The following PTPRQ variants were observed in gnomAD, a reference collection of about 807,000 sequenced individuals.
PTPRQ encodes the protein protein tyrosine phosphatase receptor type Q.
PTPRQ carries 199 observed loss-of-function variants against 246.0 expected under a neutral mutation model. The observed-to-expected ratio is 0.81, with a 90% CI of 0.72 to 0.91. PTPRQ has a LOEUF of 0.91. PTPRQ is among the 40% of genes least tolerant of loss of function. The pLI, the probability that PTPRQ is intolerant of heterozygous loss-of-function variation, is 0.00. For synonymous variants in PTPRQ, 869 were observed against 853.2 expected (o/e 1.02, Z -0.32); for missense variants, 2,624 against 2,528.4 (o/e 1.04, Z -0.81).
chr12:80,486,985 A>C (rs1157791487), intron 9 of PTPRQ, among the ~76,000 whole-genome samples: 1 of 152,176 alleles, frequency 6.6e-6, no homozygotes, highest in African/African-American at 2.4e-5. Context: ...AAGTTCAAAA[A>C]GCTAACTCTC....
chr12:80,603,830 C>A (rs1010102456), intron 26 of PTPRQ, among the ~76,000 whole-genome samples: 16 of 151,600 alleles, frequency 1.1e-4, no homozygotes, highest in African/African-American at 3.9e-4. Flanking sequence ...CCATCTGTAT[C>A]ATCACTTTGC....
chr12:80,539,623 G>A (rs1360096632), intron 19 of PTPRQ, among the ~76,000 whole-genome samples, 153 bp from the exon 20 acceptor site: 1 of 151,622 alleles, frequency 6.6e-6, no homozygotes, highest in Admixed American at 6.6e-5. Context: ...CAGTTTAATT[G>A]TTGCAATAAA....
At chr12:80,511,502 C>A (rs1169031280) in intron 17 of PTPRQ, among the ~76,000 whole-genome samples, 1 of 152,098 alleles carries the variant, frequency 6.6e-6, no homozygotes, top group East Asian at 1.9e-4. Context: ...TCACATAAGA[C>A]CGTTGCCCTC....
rs1224592181 is a variant in PTPRQ, at chr12:80,444,330, G to A, written c.-16G>A. The A allele has an allele frequency of 7.3e-7, 1 of 1,365,146 alleles. No individual in the cohort carries two copies. Among genetic ancestry groups the A allele is most frequent in the East Asian group, 2.5e-5 (1 of 39,910 alleles). The allele number at this position is 1,365,146 out of a possible 1,614,324, so 84.6% of individuals were successfully genotyped here. ...AGCCATCAATGTGATTCTACTGGCT[G>A]AAAAATGTAATAAAGATGGATTTTC... On this transcript the variant is annotated 5_prime_UTR_variant, in exon 1 of 45. Coordinates refer to ENST00000644991, the MANE Select transcript of PTPRQ (RefSeq NM_001145026.2).
At chr12:80,594,467 A>G (rs35896483) in intron 26 of PTPRQ, among the ~76,000 whole-genome samples, 9,140 of 152,180 alleles carry the variant, frequency 0.06, 487 homozygotes, top group African/African-American at 0.14. Context: ...AAATCTTCTA[A>G]ATTAGTTACA....
intron 25 of PTPRQ, among the ~76,000 whole-genome samples, chr12:80,573,766 T>A (rs1318969029): frequency 1.3e-5 from 2 of 152,214 alleles, no homozygotes; most frequent in Non-Finnish European, 2.9e-5. Context: ...TAAGTGTTTA[T>A]GAAATTTATA....
At chr12:80,660,607 T>G (rs1303819078) in intron 39 of PTPRQ, among the ~76,000 whole-genome samples, 1 of 152,046 alleles carries the variant, frequency 6.6e-6, no homozygotes, top group African/African-American at 2.4e-5. Context: ...TCGTCAAAAT[T>G]ATCTCTCCTG....
chr12:80,495,894 T>C (rs1894602948), intron 12 of PTPRQ, 105 bp from the exon 13 acceptor site: 2 of 1,314,970 alleles, frequency 1.5e-6, no homozygotes, highest in Non-Finnish European at 2.1e-6. Flanking sequence ...GATATAGATA[T>C]CTAGTCCCCC....
chr12:80,522,269 C>A (rs888251007), intron 17 of PTPRQ, among the ~76,000 whole-genome samples: 1 of 152,122 alleles, frequency 6.6e-6, no homozygotes, highest in African/African-American at 2.4e-5. Flanking sequence ...TGGGCTGAGA[C>A]GATGGAGTTT....
At position 80,460,893 on chromosome 12, in the gene PTPRQ, C is replaced by A. The variant is rs1435230905; in HGVS notation, c.901C>A (p.Pro301Thr). 5.0e-6 allele frequency: 2 copies of A among 400,382 alleles called. No individual in the cohort carries two copies. Among genetic ancestry groups the A allele is most frequent in the Non-Finnish European group, 8.8e-6 (2 of 226,174 alleles). The allele number at this position is 400,382 out of a possible 1,614,324, so 24.8% of individuals were successfully genotyped here. ...TATTGATAGTACGATTGTCAGAACA[C>A]CAGAATCAGGTATGGTTCACTTTTT... Reference protein sequence around the residue: ...GYIDSTIVRTPESVPEGPPQN... With the variant: ...GYIDSTIVRTTESVPEGPPQN... The change falls in exon 6 of 45, where the codon CCA becomes ACA. Residue 301 changes from proline (P) to threonine (T), a missense_variant. Pro to Thr is a conservative substitution (Grantham distance 38, BLOSUM62 -1). Coordinates refer to ENST00000644991, the MANE Select transcript of PTPRQ (RefSeq NM_001145026.2).
intron 30 of PTPRQ, among the ~76,000 whole-genome samples, chr12:80,617,511 A>G (rs1489034029): frequency 6.6e-6 from 1 of 151,372 alleles, no homozygotes; most frequent in Admixed American, 6.6e-5. Context: ...TACCTTTTAA[A>G]TTTATCTTTG....
Position 80,652,850 on chromosome 12 carries a change from G to C in PTPRQ, c.6115+16G>C, listed in dbSNP as rs1216492978. 6.8e-7 allele frequency: 1 copy of C among 1,462,428 alleles called. No homozygotes were observed. The highest frequency in any genetic ancestry group is 9.0e-7 in the Non-Finnish European group (1 of 1,108,598). The allele number at this position is 1,462,428 out of a possible 1,614,324, so 90.6% of individuals were successfully genotyped here. On this transcript the variant is annotated intron_variant, in intron 38 of 44. Coordinates refer to ENST00000644991, the MANE Select transcript of PTPRQ (RefSeq NM_001145026.2). ...ATAAAACCATGTATGTGCATTTGTT[G>C]GTTTTGGTTTAGCTAGGAAATATTT...
intron 17 of PTPRQ, among the ~76,000 whole-genome samples, chr12:80,515,828 A>G (rs1242473865): frequency 2.0e-5 from 3 of 151,462 alleles, no homozygotes; most frequent in Non-Finnish European, 4.4e-5. Flanking sequence ...TTTATCATGA[A>G]TATTTCTTGA....
intron 17 of PTPRQ, among the ~76,000 whole-genome samples, chr12:80,515,473 A>G (rs535984305): frequency 2.8e-4 from 42 of 149,052 alleles, no homozygotes; most frequent in Non-Finnish European, 5.6e-4. Flanking sequence ...CAGGCTGGAG[A>G]GCAATGGCGC....
At chr12:80,627,491 G>A (rs965625234) in intron 33 of PTPRQ, among the ~76,000 whole-genome samples, 10 of 151,732 alleles carry the variant, frequency 6.6e-5, no homozygotes, top group Non-Finnish European at 7.4e-5. Flanking sequence ...CAGGAGCCAG[G>A]CATTGTACTA....
intron 38 of PTPRQ, among the ~76,000 whole-genome samples, chr12:80,657,708 T>C (rs542744520): frequency 6.6e-6 from 1 of 151,894 alleles, no homozygotes; most frequent in East Asian, 1.9e-4. Context: ...AAAAAAACGA[T>C]TTGCAGAACA....
intron 35 of PTPRQ, among the ~76,000 whole-genome samples, chr12:80,646,679 C>A (rs1900086335): frequency 1.3e-5 from 2 of 151,898 alleles, no homozygotes; most frequent in Admixed American, 1.3e-4. Flanking sequence ...GGTTAGGCAC[C>A]AATGACATCT....
At chr12:80,640,648 G>T (rs950213313) in intron 35 of PTPRQ, among the ~76,000 whole-genome samples, 1 of 152,092 alleles carries the variant, frequency 6.6e-6, no homozygotes, top group Non-Finnish European at 1.5e-5. Flanking sequence ...GCAGAACTCT[G>T]CTGTGATTAT....
chr12:80,676,180 G>GT (rs1391075917), intron 43 of PTPRQ, among the ~76,000 whole-genome samples: 1 of 152,126 alleles, frequency 6.6e-6, no homozygotes, highest in East Asian at 1.9e-4. Flanking sequence ...CACAACAGCA[G>GT]TTTCTTATTT....
Sources: gnomAD v4.1 joint callset for allele counts (sites outside exome capture counted in the v4.1 genomes callset) on GRCh38, gnomAD v4.1.1 for gene constraint, MANE v1.5 for transcripts, NCBI Gene and HGNC (gene_info 2026-07-23, HGNC 2026-07-21) for gene names.